The following SYT1 variants were observed in gnomAD, a reference collection of about 807,000 sequenced individuals.
SYT1 encodes synaptotagmin 1.
Under a neutral mutation model 44.8 loss-of-function variants are expected in SYT1, and 8 were observed. The ratio of observed to expected loss-of-function variants is 0.18; its 90% confidence interval spans 0.10 to 0.32. The LOEUF is 0.32. SYT1 is among the 10% of genes least tolerant of loss of function. SYT1 has a pLI of 1.00. For missense variants in SYT1, 286 were observed against 509.3 expected, an observed-to-expected ratio of 0.56 and a Z score of 4.22; for synonymous variants, 154 against 188.8, an observed-to-expected ratio of 0.82 and a Z score of 1.51.
chr12:78,934,472 G>A (rs183537758), intron 1 of SYT1, among the ~76,000 whole-genome samples: 204 of 152,254 alleles, frequency 1.3e-3, no homozygotes, highest in African/African-American at 3.8e-3. Context: ...GTGGGGTTGA[G>A]GCTGCAGTGA....
intron 1 of SYT1, among the ~76,000 whole-genome samples, chr12:78,925,275 A>T (rs1168368695): frequency 6.6e-6 from 1 of 151,944 alleles, no homozygotes; most frequent in Non-Finnish European, 1.5e-5. Flanking sequence ...TGCTCACCTT[A>T]GAATATATAG....
chr12:79,169,042 G>A (rs1352975112), intron 3 of SYT1, among the ~76,000 whole-genome samples: 2 of 152,046 alleles, frequency 1.3e-5, no homozygotes, highest in African/African-American at 4.8e-5. Context: ...AATGTAGATA[G>A]TTTTAAGTGA....
intron 1 of SYT1, among the ~76,000 whole-genome samples, chr12:78,879,216 G>A (rs1874330423): frequency 6.6e-6 from 1 of 151,764 alleles, no homozygotes; most frequent in Non-Finnish European, 1.5e-5. Context: ...GCTTTATATA[G>A]GAGGTGATGC....
intron 9 of SYT1, among the ~76,000 whole-genome samples, chr12:79,440,205 G>A (rs756449239): frequency 3.7e-4 from 57 of 152,134 alleles, no homozygotes; most frequent in Non-Finnish European, 6.8e-4. Flanking sequence ...GTGAAAGAGC[G>A]AGACTCCATC....
chr12:79,052,497 T>C (rs1277416152), intron 3 of SYT1, among the ~76,000 whole-genome samples: 1 of 152,144 alleles, frequency 6.6e-6, no homozygotes, highest in Non-Finnish European at 1.5e-5. Flanking sequence ...AAAGCCAAAA[T>C]TGATAAATGG....
chr12:79,202,834 G>A (rs1043962053), intron 3 of SYT1, among the ~76,000 whole-genome samples: 6 of 152,086 alleles, frequency 3.9e-5, no homozygotes, highest in Admixed American at 2.6e-4. Context: ...TAAACCAATC[G>A]CAAAACTAAT....
At chr12:79,347,734 A>T (rs1882672759) in intron 8 of SYT1, among the ~76,000 whole-genome samples, 1 of 152,200 alleles carries the variant, frequency 6.6e-6, no homozygotes. Flanking sequence ...AAGAAAAACA[A>T]GTCTTTTCTC....
At chr12:78,879,682 C>A (rs749724358) in intron 1 of SYT1, among the ~76,000 whole-genome samples, 1 of 151,734 alleles carries the variant, frequency 6.6e-6, no homozygotes. Flanking sequence ...GTTTACTTTT[C>A]TCTGTCTACA....
At chr12:79,273,890 C>A (rs1158367641) in intron 4 of SYT1, among the ~76,000 whole-genome samples, 1 of 152,160 alleles carries the variant, frequency 6.6e-6, no homozygotes, top group Non-Finnish European at 1.5e-5. Context: ...TGGAGACCAT[C>A]CTGGCCAACA....
At chr12:78,910,455 T>C (rs535639022) in intron 1 of SYT1, among the ~76,000 whole-genome samples, 1 of 152,130 alleles carries the variant, frequency 6.6e-6, no homozygotes, top group East Asian at 1.9e-4. Flanking sequence ...TAGGGATTTT[T>C]CTGCCCTTTT....
At chr12:79,266,361 G>A (rs561594747) in intron 4 of SYT1, among the ~76,000 whole-genome samples, 1 of 152,088 alleles carries the variant, frequency 6.6e-6, no homozygotes, top group African/African-American at 2.4e-5. Context: ...TATTACTCAG[G>A]TAGACATTTG....
At chr12:79,426,143 C>A (rs989210545) in intron 9 of SYT1, among the ~76,000 whole-genome samples, 2 of 151,936 alleles carry the variant, frequency 1.3e-5, no homozygotes, top group Non-Finnish European at 2.9e-5. Context: ...CAGAATAGTT[C>A]CAGACAAGAT....
intron 10 of SYT1, among the ~76,000 whole-genome samples, chr12:79,446,879 G>A (rs1870764769): frequency 6.6e-6 from 1 of 151,990 alleles, no homozygotes; most frequent in South Asian, 2.1e-4. Context: ...TATTCCTATG[G>A]AAACTAACAC....
At chr12:78,918,700 AT>A (rs1292091955) in intron 1 of SYT1, among the ~76,000 whole-genome samples, 1 of 152,054 alleles carries the variant, frequency 6.6e-6, no homozygotes, top group Non-Finnish European at 1.5e-5. Flanking sequence ...CTGGGGCCAG[AT>A]TTTGTATATA....
At chr12:79,226,204 C>T (rs1479022041) in intron 4 of SYT1, among the ~76,000 whole-genome samples, 3 of 152,126 alleles carry the variant, frequency 2.0e-5, no homozygotes, top group African/African-American at 4.8e-5. Context: ...CTTATGAAAG[C>T]ATCATTTTAA....
chr12:79,193,531 C>T (rs1873255630), intron 3 of SYT1, among the ~76,000 whole-genome samples: 1 of 152,054 alleles, frequency 6.6e-6, no homozygotes, highest in Non-Finnish European at 1.5e-5. Context: ...CCTGGCTTAT[C>T]ATTACTTATT....
chr12:78,901,163 A>C (rs965238420), intron 1 of SYT1, among the ~76,000 whole-genome samples: 3 of 152,108 alleles, frequency 2.0e-5, no homozygotes, highest in Non-Finnish European at 2.9e-5. Flanking sequence ...TTTCAGGTTA[A>C]TGATTTAATG....
intron 2 of SYT1, among the ~76,000 whole-genome samples, chr12:79,007,143 G>A (rs542337110): frequency 3.9e-5 from 6 of 152,186 alleles, no homozygotes; most frequent in African/African-American, 1.4e-4. Context: ...GGAGAAACTG[G>A]GCATAGAGGA....
At chr12:79,066,201 T>C (rs1005930570) in intron 3 of SYT1, among the ~76,000 whole-genome samples, 4 of 152,082 alleles carry the variant, frequency 2.6e-5, no homozygotes, top group African/African-American at 9.7e-5. Flanking sequence ...GGCAAAATTA[T>C]GCTCCCAATT....
Sources: allele counts gnomAD v4.1 joint callset (sites outside exome capture counted in the v4.1 genomes callset), GRCh38; gene constraint gnomAD v4.1.1; transcripts MANE v1.5; gene names NCBI Gene and HGNC (gene_info 2026-07-23, HGNC 2026-07-21).